The following SRBD1 variants were observed in gnomAD, a reference collection of about 807,000 sequenced individuals.
SRBD1 encodes the protein S1 RNA-binding domain-containing protein 1.
A neutral mutation model predicts 115.3 loss-of-function variants in SRBD1; 88 were observed. The ratio of observed to expected loss-of-function variants is 0.76; its 90% CI spans 0.64 to 0.91. The LOEUF (loss-of-function observed/expected upper bound fraction) is 0.91, where lower values mean the gene tolerates loss of function less well. SRBD1 is among the 40% of genes least tolerant of loss of function. The pLI is 0.00. For missense variants in SRBD1, 1,385 were observed against 1,177.4 expected (o/e 1.18, Z -2.58); for synonymous variants, 509 against 407.7 (o/e 1.25, Z -2.99).
intron 16 of SRBD1, among the ~76,000 whole-genome samples, chr2:45,442,119 G>A (rs761835402): frequency 6.6e-6 from 1 of 152,142 alleles, no homozygotes; most frequent in Admixed American, 6.6e-5. Context: ...CAAAGAAGCT[G>A]GGAGATTTAG....
intron 20 of SRBD1, 65 bp from the exon 21 acceptor site, chr2:45,389,664 G>T: frequency 6.8e-7 from 1 of 1,467,440 alleles, no homozygotes; most frequent in South Asian, 1.3e-5. Flanking sequence ...ATAACTTTGT[G>T]AATAAGTACT....
chr2:45,591,501 T>G (rs1407358533), intron 4 of SRBD1, among the ~76,000 whole-genome samples: 1 of 152,206 alleles, frequency 6.6e-6, no homozygotes, highest in Non-Finnish European at 1.5e-5. Flanking sequence ...TCTCTTGTCT[T>G]GATAAATAGG....
intron 12 of SRBD1, among the ~76,000 whole-genome samples, chr2:45,550,574 C>A (rs1672265399): frequency 6.7e-6 from 1 of 150,300 alleles, no homozygotes; most frequent in Admixed American, 6.6e-5. Context: ...AAAAAATATT[C>A]TTCAAAAATG....
At chr2:45,534,887 G>T (rs1338706487) in intron 14 of SRBD1, among the ~76,000 whole-genome samples, 1 of 151,824 alleles carries the variant, frequency 6.6e-6, no homozygotes, top group East Asian at 1.9e-4. Flanking sequence ...CAGGACAGGG[G>T]AGATCTGCTG....
chr2:45,468,776 A>T (rs578243301), intron 16 of SRBD1, among the ~76,000 whole-genome samples: 1 of 152,328 alleles, frequency 6.6e-6, no homozygotes, highest in South Asian at 2.1e-4. Context: ...TGCTGAGTTG[A>T]AGAGAATTCT....
chr2:45,599,160 G>A (rs940808023), intron 4 of SRBD1, among the ~76,000 whole-genome samples: 1 of 152,160 alleles, frequency 6.6e-6, no homozygotes, highest in Admixed American at 6.5e-5. Flanking sequence ...CAATGAACCT[G>A]TGGGGGCCCA....
intron 19 of SRBD1, among the ~76,000 whole-genome samples, chr2:45,394,149 T>C (rs965688853): frequency 1.3e-5 from 2 of 152,360 alleles, no homozygotes; most frequent in Non-Finnish European, 1.5e-5. Flanking sequence ...CTTTATACAT[T>C]ATGTAACTGT....
chr2:45,487,261 C>G (rs1469661140), intron 15 of SRBD1, among the ~76,000 whole-genome samples: 1 of 152,154 alleles, frequency 6.6e-6, no homozygotes, highest in African/African-American at 2.4e-5. Flanking sequence ...ACCAAGTGGT[C>G]TAAATATTCA....
At chr2:45,506,777 T>A (rs574026272) in intron 14 of SRBD1, among the ~76,000 whole-genome samples, 81 of 152,344 alleles carry the variant, frequency 5.3e-4, no homozygotes, top group African/African-American at 1.9e-3. Flanking sequence ...CTCACACGTA[T>A]GTTCTACAGT....
rs764556978 is a variant in SRBD1 at position 45,418,519 on chromosome 2, T to G, written c.2179A>C (p.Asn727His). The change falls in exon 18 of 21, where the codon AAC (asparagine) becomes CAC (histidine). Residue 727 changes from asparagine to histidine, a missense_variant. Asn to His is a moderately conservative substitution (Grantham distance 68). Transcript: ENST00000263736. ...LLRHIAGLNANRAKNIIEWRE... is the reference protein window; with the variant it reads ...LLRHIAGLNAHRAKNIIEWRE... ...CATTCAATAATATTTTTGGCCCTGT[T>G]GGCATTGAGTCCTGCAATATGCCTA... The G allele has an allele frequency of 1.9e-5, 30 of 1,613,384 alleles. No individual in the cohort carries two copies. The Admixed American group carries it at 5.0e-4, about 27-fold the overall frequency.
At chr2:45,405,754 A>AAAAGAGTTAAGAATGG (rs141299583) in intron 19 of SRBD1, among the ~76,000 whole-genome samples, 105,162 of 151,802 alleles carry the variant, frequency 0.69, 36,678 homozygotes, top group Non-Finnish European at 0.72. Flanking sequence ...CAGAATGGGT[A>AAAAGAGTTAAGAATGG]AAAGAGACGA....
rs888477308 is a variant in SRBD1, at chr2:45,495,162, C to T, written c.1875-6831G>A. On this transcript the variant is annotated intron_variant, in intron 14 of 20. Coordinates refer to ENST00000263736, the MANE Select transcript of SRBD1 (RefSeq NM_018079.5). ...CTTGGCTACTTCTCTTTTGGTGCCCCATACCACAGTGGATGAAAAGAACAC... is the reference window on the plus strand; with the variant it reads ...CTTGGCTACTTCTCTTTTGGTGCCCTATACCACAGTGGATGAAAAGAACAC... 2.6e-5 allele frequency among the ~76,000 whole-genome samples: 4 copies of T among 152,288 alleles called. No homozygotes were observed. In the South Asian group the frequency reaches 8.3e-4, roughly 32 times the overall value.
At chr2:45,598,761 A>G (rs1673987284) in intron 4 of SRBD1, among the ~76,000 whole-genome samples, 1 of 152,188 alleles carries the variant, frequency 6.6e-6, no homozygotes, top group Admixed American at 6.5e-5. Context: ...CAAGGGAAAG[A>G]GTACACAATA....
chr2:45,475,015 C>T (rs2103814084), intron 16 of SRBD1, among the ~76,000 whole-genome samples: 1 of 152,176 alleles, frequency 6.6e-6, no homozygotes, highest in Non-Finnish European at 1.5e-5. Context: ...AGTGAGTAGT[C>T]CAATGTTAAT....
intron 18 of SRBD1, among the ~76,000 whole-genome samples, chr2:45,416,760 GTTTTTTGGTGT>G (rs1255188765): frequency 2.0e-5 from 3 of 152,030 alleles, no homozygotes; most frequent in Non-Finnish European, 2.9e-5. Context: ...TATACTGTGA[GTTTTTTGGTGT>G]TTTTTTGGTT....
chr2:45,498,376 CAGAA>C (rs1670524747), intron 14 of SRBD1, among the ~76,000 whole-genome samples: 1 of 152,048 alleles, frequency 6.6e-6, no homozygotes, highest in African/African-American at 2.4e-5. Flanking sequence ...TTTTCTGAAA[CAGAA>C]AGTTGTGTGT....
chr2:45,478,437 T>C (rs1558421968), intron 15 of SRBD1, among the ~76,000 whole-genome samples: 2 of 152,192 alleles, frequency 1.3e-5, no homozygotes, highest in Non-Finnish European at 2.9e-5. Flanking sequence ...ATCTAATATA[T>C]AGTGACAATA....
chr2:45,427,411 A>G (rs1024842331), intron 16 of SRBD1, among the ~76,000 whole-genome samples: 2 of 151,870 alleles, frequency 1.3e-5, no homozygotes, highest in African/African-American at 4.8e-5. Context: ...CACAGGCTCA[A>G]AATAAAGGGA....
intron 5 of SRBD1, among the ~76,000 whole-genome samples, chr2:45,583,826 A>C (rs1401552307): frequency 1.3e-5 from 2 of 152,210 alleles, no homozygotes; most frequent in African/African-American, 4.8e-5. Context: ...ACTTACTTCA[A>C]GGAATATTCA....
Sources: gnomAD v4.1 joint callset for allele counts (sites outside exome capture counted in the v4.1 genomes callset) on GRCh38, gnomAD v4.1.1 for gene constraint, MANE v1.5 for transcripts, NCBI Gene and HGNC (gene_info 2026-07-23, HGNC 2026-07-21) for gene names.